The following LOXHD1 variants were observed in gnomAD, a reference collection of about 807,000 sequenced individuals.
LOXHD1 encodes the protein lipoxygenase homology domain-containing protein 1.
Under a neutral mutation model 248.2 loss-of-function variants are expected in LOXHD1, and 205 were observed. The ratio of observed to expected loss-of-function variants is 0.83; its 90% CI spans 0.74 to 0.93. LOXHD1 has a LOEUF of 0.93. LOXHD1 is among the 40% of genes least tolerant of loss of function. The probability of loss-of-function intolerance (pLI) is 0.00; values close to 1 mark genes in which losing one functional copy is unlikely to be tolerated. For synonymous variants in LOXHD1, 1,113 were observed against 1,162.8 expected (o/e 0.96, Z 0.87); for missense variants, 2,930 against 2,971.6 (o/e 0.99, Z 0.33).
Position 46,577,703 on chromosome 18 carries a change from G to T in LOXHD1, c.1970+4C>A. On this transcript the variant is annotated splice_donor_region_variant and intron_variant, in intron 14 of 40. Transcript: ENST00000642948. ...GAAAACACCAGCAGGCAGGACGCAT[G>T]TACCTGAGACATGGGAACTCCACGT... 1 of 1,549,836 alleles carries T rather than the reference G, an allele frequency of 6.5e-7. No individual in the cohort carries two copies. Among genetic ancestry groups the T allele is most frequent in the South Asian group, 1.2e-5 (1 of 84,022 alleles).
In LOXHD1 at chr18:46,557,967, C is replaced by A. The variant is rs1014440549; in HGVS notation, c.3217-478G>T. ...AGAAACTGAAGACGGATTTGCCCAC[C>A]ATTTAGGTGTGAAGAGGGCCATATG... is the stretch of plus-strand genomic sequence containing the variant. On this transcript the variant is annotated intron_variant, in intron 20 of 40. Coordinates refer to ENST00000642948, the MANE Select transcript of LOXHD1 (RefSeq NM_001384474.1). 6.0e-5 allele frequency: 62 copies of A among 1,032,948 alleles called. No homozygotes were observed. The African/African-American group carries it at 9.5e-4, about 16-fold the overall frequency. The allele number at this position is 1,032,948 out of a possible 1,614,324, so 64.0% of individuals were successfully genotyped here. A position where few individuals can be genotyped will look rare whatever the true frequency, so the allele number is the denominator to read the frequency against.
chr18:46,509,428 T>C, intron 35 of LOXHD1: 1 of 457,198 alleles, frequency 2.2e-6, no homozygotes, highest in Non-Finnish European at 4.1e-6. Context: ...ACACCACCCC[T>C]CCCCTTTCTC....
At chr18:46,486,902 T>C (rs1255144976) in intron 38 of LOXHD1, among the ~76,000 whole-genome samples, 5 of 152,162 alleles carry the variant, frequency 3.3e-5, no homozygotes, top group Non-Finnish European at 5.9e-5. Context: ...TGTGGTCTTT[T>C]GAGAGGAAGT....
At chr18:46,610,753 T>C (rs753904710) in intron 6 of LOXHD1, 23 bp downstream of exon 6, 1 of 1,541,762 alleles carries the variant, frequency 6.5e-7, no homozygotes, top group South Asian at 1.2e-5. Flanking sequence ...CCACAGGGAC[T>C]GCAGAGAAGC....
intron 1 of LOXHD1, among the ~76,000 whole-genome samples, chr18:46,649,798 C>T (rs887709765): frequency 7.9e-5 from 12 of 152,142 alleles, no homozygotes; most frequent in Non-Finnish European, 1.6e-4. Flanking sequence ...ATTTCTGTCT[C>T]CTCAAACCCT....
intron 29 of LOXHD1, among the ~76,000 whole-genome samples, chr18:46,528,970 C>T (rs559497896): frequency 6.6e-6 from 1 of 152,182 alleles, no homozygotes; most frequent in East Asian, 1.9e-4. Flanking sequence ...CCACCTCATC[C>T]CCTATGCAGG....
At chr18:46,516,761 CCAT>C (rs1384695254) in intron 34 of LOXHD1, among the ~76,000 whole-genome samples, 1 of 151,628 alleles carries the variant, frequency 6.6e-6, no homozygotes, top group African/African-American at 2.4e-5. Flanking sequence ...ATCATCATCA[CCAT>C]CATCACAATT....
At chr18:46,656,882 C>A in intron 1 of LOXHD1, 22 bp downstream of exon 1, 2 of 1,549,776 alleles carry the variant, frequency 1.3e-6, no homozygotes, top group South Asian at 1.2e-5. Context: ...CCACCCGCCC[C>A]CCGCAGGCTG....
At chr18:46,561,988 C>A (rs10502873) in intron 18 of LOXHD1, among the ~76,000 whole-genome samples, 4 of 152,150 alleles carry the variant, frequency 2.6e-5, no homozygotes, top group Non-Finnish European at 5.9e-5. Context: ...CCAGAAGACA[C>A]GCTATCCAGT....
intron 21 of LOXHD1, among the ~76,000 whole-genome samples, chr18:46,550,443 GGC>G (rs1461868523): frequency 5.9e-5 from 9 of 151,360 alleles, no homozygotes; most frequent in African/African-American, 1.9e-4. Flanking sequence ...CGCGGTGGCG[GGC>G]GCCTGTAGTC....
intron 39 of LOXHD1, among the ~76,000 whole-genome samples, chr18:46,484,437 G>A (rs757137140): frequency 5.3e-4 from 81 of 152,202 alleles, no homozygotes; most frequent in Non-Finnish European, 9.6e-4. Flanking sequence ...AGCTCCCTCC[G>A]CCTTCTGCCA....
At chr18:46,574,420 C>CACACACACACA (rs1568195079) in intron 14 of LOXHD1, among the ~76,000 whole-genome samples, 2 of 144,130 alleles carry the variant, frequency 1.4e-5, no homozygotes, top group Non-Finnish European at 3.0e-5. Context: ...CACACACACA[C>CACACACACACA]CTGATCCTAG....
intron 34 of LOXHD1, among the ~76,000 whole-genome samples, chr18:46,517,647 A>C (rs2035330412): frequency 6.6e-6 from 1 of 152,120 alleles, no homozygotes; most frequent in African/African-American, 2.4e-5. Context: ...AGTGCCTGGC[A>C]TATACTAGGT....
chr18:46,494,700 A>G (rs1373572040), intron 37 of LOXHD1, among the ~76,000 whole-genome samples: 1 of 152,294 alleles, frequency 6.6e-6, no homozygotes, highest in South Asian at 2.1e-4. Context: ...CCTCACTTGT[A>G]CAATGTGTGG....
At chr18:46,483,189 G>C (rs2032727351) in intron 40 of LOXHD1, among the ~76,000 whole-genome samples, 1 of 152,156 alleles carries the variant, frequency 6.6e-6, no homozygotes, top group Non-Finnish European at 1.5e-5. Context: ...CACATGGATG[G>C]TGGGTTTTCA....
At position 46,657,185 on chromosome 18, in the gene LOXHD1, C is replaced by T. The variant is rs922740569; in HGVS notation, c.-152G>A. ...CCAGAGTGCCCCGTTTTCTTGGCTT[C>T]CCCGTGCCCAAGGTGCTGTTCCCTC... On this transcript the variant is annotated 5_prime_UTR_variant, in exon 1 of 41. Transcript: ENST00000642948. 4.7e-6 allele frequency: 6 copies of T among 1,281,228 alleles called. No individual in the cohort carries two copies. In the African/African-American group the frequency reaches 5.9e-5, roughly 13 times the overall value. 79.4% of individuals were successfully genotyped at this position (1,281,228 alleles called of 1,614,324 possible).
chr18:46,634,869 T>C, intron 4 of LOXHD1, among the ~76,000 whole-genome samples: 1 of 152,192 alleles, frequency 6.6e-6, no homozygotes, highest in East Asian at 1.9e-4. Flanking sequence ...TTGATGGTGG[T>C]GACGGTTGCA....
At position 46,618,835 on chromosome 18, in the gene LOXHD1, T is replaced by C. The variant is rs564451475; in HGVS notation, c.512-545A>G. Among the ~76,000 whole-genome samples the C allele has an allele frequency of 3.5e-4, 54 of 152,308 alleles. 1 individual carries two copies. The highest frequency in any genetic ancestry group is 2.8e-4 in the Non-Finnish European group (19 of 68,026). On this transcript the variant is annotated intron_variant, in intron 4 of 40. Coordinates refer to ENST00000642948, the MANE Select transcript of LOXHD1 (RefSeq NM_001384474.1). ...ATTTATCTGTAAATTGTCAAAGCCATAACCAATGCAAAGACAAGAGGCACC... is the reference window on the plus strand; with the variant it reads ...ATTTATCTGTAAATTGTCAAAGCCACAACCAATGCAAAGACAAGAGGCACC...
At chr18:46,634,013 C>A in intron 4 of LOXHD1, among the ~76,000 whole-genome samples, 1 of 152,168 alleles carries the variant, frequency 6.6e-6, no homozygotes, top group East Asian at 1.9e-4. Context: ...TAAAATGGTA[C>A]AACCACTGTA....
Sources: allele counts gnomAD v4.1 joint callset (sites outside exome capture counted in the v4.1 genomes callset), GRCh38; gene constraint gnomAD v4.1.1; transcripts MANE v1.5; gene names NCBI Gene and HGNC (gene_info 2026-07-23, HGNC 2026-07-21).